HPS3: variants seen among roughly 807,000 people sequenced by gnomAD.
The protein encoded by HPS3 is BLOC-2 complex member HPS3.
A neutral mutation model predicts 110.9 loss-of-function variants in HPS3; 79 were observed. The observed-to-expected ratio is 0.71, with a 90% CI of 0.59 to 0.86. HPS3 has a LOEUF of 0.86. Ranked by LOEUF, HPS3 falls within the 40% of genes least tolerant of loss-of-function variation. The pLI is 0.00. For missense variants in HPS3, 1,197 were observed against 1,206.2 expected (o/e 0.99, Z 0.11); for synonymous variants, 428 against 451.0 (o/e 0.95, Z 0.65).
Position 149,140,276 on chromosome 3 carries a change from C to G in HPS3, c.490C>G (p.Gln164Glu), listed in dbSNP as rs144174562. 8.1e-6 allele frequency: 13 copies of G among 1,614,016 alleles called. No homozygotes were observed. The African/African-American group carries it at 1.7e-4, about 22-fold the overall frequency. ...ATTAGTCTTATTTAGTTTGAAGTAC[C>G]AGATCATTAATGAGGAATTCTCACT... ...NKLVLFSLKY[Q>E]IINEEFSLLD... The change falls in exon 2 of 17, where the codon CAG becomes GAG. Residue 164 changes from glutamine (Q) to glutamate (E), a missense_variant. Transcript: ENST00000296051.
chr3:149,153,720 A>C (rs1723277174), intron 7 of HPS3, 72 bp downstream of exon 7: 1 of 1,467,388 alleles, frequency 6.8e-7, no homozygotes, highest in East Asian at 2.3e-5. Context: ...TTTTGTGTTT[A>C]TCTTTTTTCA....
chr3:149,153,356 G>A (rs1003575560), intron 6 of HPS3, 138 bp from the exon 7 acceptor site: 13 of 743,922 alleles, frequency 1.7e-5, no homozygotes, highest in Non-Finnish European at 3.0e-5. Context: ...TCTTTTGTTT[G>A]TTTGTTTGTT....
rs559246907 is a variant in HPS3, at chr3:149,153,262, G to A, written c.1246-232G>A. ...ATTCAATCAATCAATAACTGAGTTTGTTGGCTGAGTAGCTCTATGGAATAC... is the reference window on the plus strand; with the variant it reads ...ATTCAATCAATCAATAACTGAGTTTATTGGCTGAGTAGCTCTATGGAATAC... On this transcript the variant is annotated intron_variant, in intron 6 of 16. Coordinates refer to ENST00000296051, the MANE Select transcript of HPS3 (RefSeq NM_032383.5). Among the ~76,000 whole-genome samples, 9 of 152,272 alleles carry A rather than the reference G, an allele frequency of 5.9e-5. No individual in the cohort carries two copies. The South Asian group carries it at 1.7e-3, about 28-fold the overall frequency.
chr3:149,158,571 T>G (rs1723593771), intron 9 of HPS3, 95 bp from the exon 10 acceptor site: 7 of 1,150,058 alleles, frequency 6.1e-6, no homozygotes, highest in Non-Finnish European at 7.9e-6. Context: ...GATAATCACT[T>G]GAGGTCAGGA....
Position 149,140,536 on chromosome 3 carries a change from A to G in HPS3, c.712+38A>G, listed in dbSNP as rs771974709. 67 of 1,611,776 alleles carry G rather than the reference A, an allele frequency of 4.2e-5. No individual in the cohort carries two copies. The Admixed American group carries it at 9.2e-4, about 22-fold the overall frequency. On this transcript the variant is annotated intron_variant, in intron 2 of 16. Transcript: ENST00000296051. ...TTTGACTTGCTTTCTTGTTTTAGGAATATAGAAAACCTTCACCTTTGGCAG... is the reference window on the plus strand; with the variant it reads ...TTTGACTTGCTTTCTTGTTTTAGGAGTATAGAAAACCTTCACCTTTGGCAG...
Position 149,130,241 on chromosome 3 carries a change from A to G in HPS3, c.217+301A>G, listed in dbSNP as rs564663834. ...TCCACTCATCTCGGATACTTAAGCA[A>G]ACAACAACAAAAAACTCTTTAGTGC... On this transcript the variant is annotated intron_variant, in intron 1 of 16. Transcript: ENST00000296051. The G allele has an allele frequency of 2.1e-4, 106 of 497,454 alleles. 1 individual carries two copies. In the South Asian group the frequency reaches 2.6e-3, roughly 12 times the overall value. 30.8% of individuals were successfully genotyped at this position (497,454 alleles called of 1,614,324 possible). A position where few individuals can be genotyped will look rare whatever the true frequency, so the allele number is the denominator to read the frequency against.
chr3:149,168,138 C>A, intron 16 of HPS3, 155 bp downstream of exon 16: 1 of 621,492 alleles, frequency 1.6e-6, no homozygotes, highest in Non-Finnish European at 2.9e-6. Flanking sequence ...GTACCCTCCC[C>A]TTGACATTTG....
chr3:149,151,203 A>T (rs115542336), intron 6 of HPS3, among the ~76,000 whole-genome samples: 30,941 of 146,594 alleles, frequency 0.21, 3,634 homozygotes, highest in South Asian at 0.31. Flanking sequence ...TATTATTATT[A>T]TTTTTTTTTC....
intron 7 of HPS3, among the ~76,000 whole-genome samples, chr3:149,154,559 T>G (rs544511273): frequency 1.4e-4 from 21 of 152,212 alleles, no homozygotes; most frequent in Non-Finnish European, 2.4e-4. Context: ...GTTTTAAAAA[T>G]TCTAATTCAT....
intron 7 of HPS3, among the ~76,000 whole-genome samples, chr3:149,154,641 GAGATA>G (rs1286755043): frequency 6.6e-6 from 1 of 152,220 alleles, no homozygotes; most frequent in East Asian, 1.9e-4. Context: ...GTGAAAGCAA[GAGATA>G]AGATAGTGCT....
At chr3:149,132,993 A>G (rs1482235564) in intron 1 of HPS3, among the ~76,000 whole-genome samples, 1 of 152,228 alleles carries the variant, frequency 6.6e-6, no homozygotes, top group African/African-American at 2.4e-5. Context: ...CTGCAATCTT[A>G]TGATCAAACT....
intron 2 of HPS3, 60 bp downstream of exon 2, chr3:149,140,558 G>A: frequency 6.4e-7 from 1 of 1,567,784 alleles, no homozygotes; most frequent in Non-Finnish European, 8.8e-7. Context: ...TTCACCTTTG[G>A]CAGTCTGAAG....
At chr3:149,166,734 T>A (rs182064635) in intron 14 of HPS3, among the ~76,000 whole-genome samples, 27 of 152,282 alleles carry the variant, frequency 1.8e-4, no homozygotes, top group African/African-American at 6.5e-4. Flanking sequence ...ATTATTCTCT[T>A]AGGATAGAGT....
chr3:149,169,240 T>A (rs1279709629), intron 16 of HPS3, among the ~76,000 whole-genome samples: 1 of 152,184 alleles, frequency 6.6e-6, no homozygotes, highest in African/African-American at 2.4e-5. Context: ...TGAAGAACTT[T>A]AGGTTCGTTT....
intron 1 of HPS3, among the ~76,000 whole-genome samples, chr3:149,135,784 T>C (rs1050981060): frequency 6.6e-6 from 1 of 151,916 alleles, no homozygotes; most frequent in Non-Finnish European, 1.5e-5. Flanking sequence ...CTAGGGGTGG[T>C]GGGGCATGGA....
At position 149,153,664 on chromosome 3, in the gene HPS3, C is replaced by T; in HGVS notation, c.1400+16C>T. 6.2e-7 allele frequency: 1 copy of T among 1,613,340 alleles called. No homozygotes were observed. Among genetic ancestry groups the T allele is most frequent in the Non-Finnish European group, 8.5e-7 (1 of 1,179,270 alleles). On this transcript the variant is annotated intron_variant, in intron 7 of 16. Transcript: ENST00000296051. Reference sequence around the variant, plus strand: ...AGAGGCTTCTGTAAGCATCCCCTTGCCCCAGGCATTCCTGCCAGTTTCTGG... The same window carrying T: ...AGAGGCTTCTGTAAGCATCCCCTTGTCCCAGGCATTCCTGCCAGTTTCTGG...
At chr3:149,135,702 G>C (rs554176310) in intron 1 of HPS3, among the ~76,000 whole-genome samples, 10 of 152,080 alleles carry the variant, frequency 6.6e-5, no homozygotes, top group Admixed American at 2.6e-4. Context: ...ACTCCTGAAA[G>C]AGAAAGACCT....
chr3:149,129,866 G>C lies in HPS3; in HGVS notation c.143G>C (p.Gly48Ala), dbSNP rs769794021. Residue 48 changes from glycine (G) to alanine (A), a missense_variant, in exon 1 of 17, where the codon GGC (glycine) becomes GCC (alanine). Gly to Ala is a moderately conservative substitution (Grantham distance 60, BLOSUM62 0). Coordinates refer to ENST00000296051, the MANE Select transcript of HPS3 (RefSeq NM_032383.5). ...AAGGTGGAGGCGTTCGCGGTGGCCG[G>C]CCAGGAGCTGTGCCAGCCGCGGTGC... The part of the protein sequence containing the change: ...GCKVEAFAVA[G>A]QELCQPRCAF... The C allele has an allele frequency of 2.5e-6, 4 of 1,597,388 alleles. No homozygotes were observed. In the African/African-American group the frequency reaches 4.0e-5, roughly 16 times the overall value.
chr3:149,140,190 C>G lies in HPS3; in HGVS notation c.404C>G (p.Ala135Gly), dbSNP rs773902711. Residue 135 changes from alanine (A) to glycine (G), a missense_variant, in exon 2 of 17, where the codon GCC becomes GGC. Transcript: ENST00000296051. ...ATTATTGAAATGCCGCTTTCGGAGG[C>G]CCCCTTGTGCATTTCCTGTTGCCCT... The part of the protein sequence containing the change: ...MYIIEMPLSE[A>G]PLCISCCPVK... The G allele has an allele frequency of 4.3e-6, 7 of 1,613,938 alleles. No homozygotes were observed. The highest frequency in any genetic ancestry group is 5.9e-6 in the Non-Finnish European group (7 of 1,179,956).
Sources: allele counts gnomAD v4.1 joint callset (sites outside exome capture counted in the v4.1 genomes callset), GRCh38; gene constraint gnomAD v4.1.1; transcripts MANE v1.5; gene names NCBI Gene and HGNC (gene_info 2026-07-23, HGNC 2026-07-21).